The following UBR3 variants were observed in gnomAD, a reference collection of about 807,000 sequenced individuals.
UBR3 encodes E3 ubiquitin-protein ligase UBR3.
UBR3 carries 85 observed loss-of-function variants against 243.2 expected under a neutral mutation model. The observed-to-expected ratio is 0.35, with a 90% confidence interval of 0.29 to 0.42. The LOEUF (loss-of-function observed/expected upper bound fraction) is 0.42, where lower values mean the gene tolerates loss of function less well. Ranked by LOEUF, UBR3 falls within the 10% of genes least tolerant of loss-of-function variation. The pLI, the probability that UBR3 is intolerant of heterozygous loss-of-function variation, is 1.00. For missense variants in UBR3, 1,686 were observed against 2,300.8 expected (o/e 0.73, Z 5.47); for synonymous variants, 748 against 799.8 (o/e 0.94, Z 1.09).
chr2:170,008,050 G>C (rs16857412), intron 28 of UBR3, among the ~76,000 whole-genome samples: 1 of 151,992 alleles, frequency 6.6e-6, no homozygotes, highest in Non-Finnish European at 1.5e-5. Flanking sequence ...ATGTGTATTC[G>C]AGAGATAAAA....
chr2:169,883,672 A>C (rs914820622), intron 5 of UBR3, among the ~76,000 whole-genome samples: 3 of 152,194 alleles, frequency 2.0e-5, no homozygotes, highest in Admixed American at 2.0e-4. Flanking sequence ...TTTTCTATCT[A>C]TTTTAGTGGC....
At chr2:169,850,335 T>C (rs1205852281) in intron 1 of UBR3, among the ~76,000 whole-genome samples, 1 of 152,088 alleles carries the variant, frequency 6.6e-6, no homozygotes, top group African/African-American at 2.4e-5. Context: ...CACGCCACCA[T>C]GCTTGGCCAA....
intron 10 of UBR3, among the ~76,000 whole-genome samples, chr2:169,913,101 C>G (rs1305549039): frequency 6.6e-6 from 1 of 152,138 alleles, no homozygotes; most frequent in Admixed American, 6.6e-5. Flanking sequence ...TTTTTCCAAG[C>G]AGCTGTACCA....
chr2:169,890,268 C>G (rs1404437668), intron 5 of UBR3, among the ~76,000 whole-genome samples: 2 of 152,012 alleles, frequency 1.3e-5, no homozygotes, highest in Non-Finnish European at 2.9e-5. Flanking sequence ...AAGAGGCGGG[C>G]TGCCTTCTTT....
intron 5 of UBR3, among the ~76,000 whole-genome samples, chr2:169,879,071 A>C (rs1274409046): frequency 6.6e-6 from 1 of 151,946 alleles, no homozygotes; most frequent in African/African-American, 2.4e-5. Flanking sequence ...ATCAATTTGA[A>C]ATTTCAATTT....
At chr2:170,001,912 C>CAAAAAAAAAAAAAAAAAAAAAA (rs71006062) in intron 27 of UBR3, among the ~76,000 whole-genome samples, 69 of 67,496 alleles carry the variant, frequency 1.0e-3, no homozygotes, top group Middle Eastern at 9.6e-3. Flanking sequence ...GACTCCATCT[C>CAAAAAAAAAAAAAAAAAAAAAA]AAAAAAAAAA....
chr2:170,028,625 TTTAA>T (rs2090592198), intron 30 of UBR3, among the ~76,000 whole-genome samples: 1 of 150,616 alleles, frequency 6.6e-6, no homozygotes, highest in African/African-American at 2.5e-5. Context: ...GGCAGAATAA[TTTAA>T]TTATTGTCAT....
intron 1 of UBR3, among the ~76,000 whole-genome samples, chr2:169,847,349 T>C (rs2082517553): frequency 2.0e-5 from 3 of 152,190 alleles, no homozygotes; most frequent in Admixed American, 1.3e-4. Context: ...TTTGTTGGCT[T>C]ATGAACTGTA....
At chr2:170,060,384 T>G (rs17572501) in intron 33 of UBR3, among the ~76,000 whole-genome samples, 3,369 of 152,254 alleles carry the variant, frequency 0.022, 64 homozygotes, top group Non-Finnish European at 0.027. Flanking sequence ...TTACTTAATG[T>G]CATTATCTGA....
At chr2:169,907,162 G>C (rs539148581) in intron 10 of UBR3, among the ~76,000 whole-genome samples, 2 of 150,118 alleles carry the variant, frequency 1.3e-5, no homozygotes, top group East Asian at 4.0e-4. Flanking sequence ...TGAGCCTCCC[G>C]AGTAGCTGGG....
In UBR3 at chr2:169,990,692, G is replaced by A. The variant is rs973240812; in HGVS notation, c.3785-3631G>A. 4.8e-5 allele frequency among the ~76,000 whole-genome samples: 7 copies of A among 145,924 alleles called. No homozygotes were observed. The Admixed American group carries it at 4.9e-4, about 10-fold the overall frequency. ...TGAAGATGTTAATTCTAATCCCTGG[G>A]GTAAACACTATAAAAAAAAGTTATA... On this transcript the variant is annotated intron_variant, in intron 25 of 38. Transcript: ENST00000272793.
At position 169,955,793 on chromosome 2, in the gene UBR3, C is replaced by CA. The variant is rs56238118; in HGVS notation, c.3546-2627dup. Among the ~76,000 whole-genome samples, 10 of 78,510 alleles carry CA rather than the reference C, an allele frequency of 1.3e-4. 1 individual carries two copies. The highest frequency in any genetic ancestry group is 7.4e-4 in the Admixed American group (5 of 6,752). The allele number at this position is 78,510 out of a possible 152,430, so 51.5% of individuals were successfully genotyped here. A position where few individuals can be genotyped will look rare whatever the true frequency, so the allele number is the denominator to read the frequency against. ...TGGGCCATAGAGTGAGACTCCATCT[C>CA]AAAAAAAAAAAAAAAAAAGATGTTG... On this transcript the variant is annotated intron_variant, in intron 23 of 38. Coordinates refer to ENST00000272793, the MANE Select transcript of UBR3 (RefSeq NM_172070.4).
intron 26 of UBR3, among the ~76,000 whole-genome samples, chr2:169,998,442 T>TATTCCTACATC (rs2089576297): frequency 6.6e-6 from 1 of 152,228 alleles, no homozygotes; most frequent in South Asian, 2.1e-4. Context: ...TCATTACTTT[T>TATTCCTACATC]GTATGCTTTT....
intron 36 of UBR3, among the ~76,000 whole-genome samples, chr2:170,077,032 C>T (rs761128417): frequency 6.6e-6 from 1 of 152,146 alleles, no homozygotes; most frequent in Non-Finnish European, 1.5e-5. Context: ...CTTGTAAATC[C>T]GCAGAAGAGT....
intron 24 of UBR3, among the ~76,000 whole-genome samples, chr2:169,969,845 G>T (rs185685194): frequency 6.6e-6 from 1 of 150,884 alleles, no homozygotes; most frequent in Non-Finnish European, 1.5e-5. Context: ...CACCACGCCC[G>T]GCCTGTGTCT....
At chr2:170,022,938 CT>C (rs1170830375) in intron 30 of UBR3, among the ~76,000 whole-genome samples, 18 of 152,212 alleles carry the variant, frequency 1.2e-4, no homozygotes, top group African/African-American at 3.4e-4. Context: ...TTTCCCATCT[CT>C]TCATGGCTGA....
chr2:169,835,993 GTCTC>G (rs577838877), intron 1 of UBR3, among the ~76,000 whole-genome samples: 364 of 30,654 alleles, frequency 0.012, 1 homozygote, highest in Middle Eastern at 0.04. Flanking sequence ...TGTGTGCACT[GTCTC>G]TCTCTCTCTC....
At chr2:169,965,371 A>G (rs987761996) in intron 24 of UBR3, among the ~76,000 whole-genome samples, 12 of 152,106 alleles carry the variant, frequency 7.9e-5, no homozygotes, top group Admixed American at 7.9e-4. Context: ...AATAATCTGT[A>G]TAGTAGTATC....
intron 1 of UBR3, among the ~76,000 whole-genome samples, chr2:169,837,063 G>T (rs73022452): frequency 0.043 from 6,545 of 152,238 alleles, 160 homozygotes; most frequent in Middle Eastern, 0.068. Context: ...ATGCTTATAT[G>T]TTTTCTACTG....
Sources: gnomAD v4.1 joint callset for allele counts (sites outside exome capture counted in the v4.1 genomes callset) on GRCh38, gnomAD v4.1.1 for gene constraint, MANE v1.5 for transcripts, NCBI Gene and HGNC (gene_info 2026-07-23, HGNC 2026-07-21) for gene names.